Variants in HNRNPC observed in about 807,000 individuals in gnomAD.
The protein encoded by HNRNPC is heterogeneous nuclear ribonucleoprotein C, also known as heterogeneous nuclear ribonucleoproteins C1/C2.
HNRNPC carries 3 observed loss-of-function variants against 33.2 expected under a neutral mutation model. The observed-to-expected ratio is 0.09, with a 90% CI of 0.04 to 0.23. HNRNPC has a LOEUF of 0.23. HNRNPC is among the 10% of genes least tolerant of loss of function. The pLI is 1.00. For missense variants in HNRNPC, 143 were observed against 366.7 expected (o/e 0.39, Z 4.98); for synonymous variants, 121 against 126.7 (o/e 0.96, Z 0.30).
chr14:21,210,059 T>C lies in HNRNPC; in HGVS notation c.*1164A>G, dbSNP rs1891454453. 2 of 152,234 alleles carry C rather than the reference T, an allele frequency of 1.3e-5. No individual in the cohort carries two copies. The highest frequency in any genetic ancestry group is 4.8e-5 in the African/African-American group (2 of 41,460). The allele number at this position is 152,234 out of a possible 1,614,324, so 9.4% of individuals were successfully genotyped here. A position where few individuals can be genotyped will look rare whatever the true frequency, so the allele number is the denominator to read the frequency against. On this transcript the variant is annotated 3_prime_UTR_variant, in exon 9 of 9. Transcript: ENST00000553300. ...GAATATCAGGAAGTAAGAGTTTTCT[T>C]GTTTTCAGGAACATGGAGGTATATA... is the stretch of plus-strand genomic sequence containing the variant.
At chr14:21,229,085 TAAAA>T (rs56112804) in intron 5 of HNRNPC, among the ~76,000 whole-genome samples, 2 of 107,866 alleles carry the variant, frequency 1.9e-5, no homozygotes, top group Non-Finnish European at 3.8e-5. Context: ...ATTCCGTATT[TAAAA>T]AAAAAAAAAA....
At chr14:21,240,994 G>A (rs1895270973) in intron 2 of HNRNPC, among the ~76,000 whole-genome samples, 2 of 152,108 alleles carry the variant, frequency 1.3e-5, no homozygotes, top group Non-Finnish European at 1.5e-5. Context: ...AACTAGGCCA[G>A]GTGCGAAGGC....
At chr14:21,216,045 AGGAAGTGGGG>A (rs1399833578) in intron 5 of HNRNPC, among the ~76,000 whole-genome samples, 1 of 150,136 alleles carries the variant, frequency 6.7e-6, no homozygotes, top group Admixed American at 6.7e-5. Flanking sequence ...GAACCCAGGA[AGGAAGTGGGG>A]GTTGCAGACA....
chr14:21,219,061 G>C (rs1892538075), intron 5 of HNRNPC, among the ~76,000 whole-genome samples: 1 of 140,544 alleles, frequency 7.1e-6, no homozygotes, highest in Non-Finnish European at 1.5e-5. Context: ...AGTAAGCCAA[G>C]ACCGCACCAC....
At chr14:21,248,672 T>A (rs1308121024) in intron 2 of HNRNPC, among the ~76,000 whole-genome samples, 2 of 152,134 alleles carry the variant, frequency 1.3e-5, no homozygotes, top group Non-Finnish European at 2.9e-5. Flanking sequence ...CAAGGAAATA[T>A]AAATTAAACC....
At chr14:21,262,194 TTAA>T (rs1482615252) in intron 2 of HNRNPC, among the ~76,000 whole-genome samples, 19 of 152,210 alleles carry the variant, frequency 1.2e-4, no homozygotes, top group African/African-American at 3.9e-4. Context: ...TTGTGAAATA[TTAA>T]TGAGATAAAA....
chr14:21,230,528 T>C, intron 4 of HNRNPC, 162 bp from the exon 5 acceptor site: 1 of 619,026 alleles, frequency 1.6e-6, no homozygotes. Context: ...TCAATTCCAA[T>C]CACCTTAGAC....
At chr14:21,255,775 A>C (rs927442993) in intron 2 of HNRNPC, among the ~76,000 whole-genome samples, 11 of 152,212 alleles carry the variant, frequency 7.2e-5, no homozygotes, top group Admixed American at 6.5e-4. Flanking sequence ...TTCTGGACAT[A>C]TCTCTTATGT....
At chr14:21,253,173 T>TAA (rs544647664) in intron 2 of HNRNPC, among the ~76,000 whole-genome samples, 14 of 118,810 alleles carry the variant, frequency 1.2e-4, no homozygotes, top group African/African-American at 2.8e-4. Flanking sequence ...ACTCTGTCTT[T>TAA]AAAAAAAAAA....
chr14:21,266,411 C>A (rs1878991490), intron 1 of HNRNPC, among the ~76,000 whole-genome samples: 3 of 151,972 alleles, frequency 2.0e-5, no homozygotes, highest in African/African-American at 7.3e-5. Flanking sequence ...AGAATCAATT[C>A]TTTAAACAAA....
intron 2 of HNRNPC, among the ~76,000 whole-genome samples, chr14:21,254,349 C>T (rs1876752682): frequency 6.6e-6 from 1 of 152,086 alleles, no homozygotes; most frequent in African/African-American, 2.4e-5. Flanking sequence ...TATCTACTAA[C>T]ATAAGCTATT....
At chr14:21,220,831 TA>T (rs34492058) in intron 5 of HNRNPC, among the ~76,000 whole-genome samples, 1,843 of 147,568 alleles carry the variant, frequency 0.012, 36 homozygotes, top group African/African-American at 0.04. Context: ...GGTATTTATT[TA>T]AAAAAAAAAA....
rs56033944 is a variant in HNRNPC, at chr14:21,241,257, C to CAA, written c.-36-7030_-36-7029dup. Among the ~76,000 whole-genome samples, 758 of 93,758 alleles carry CAA rather than the reference C, an allele frequency of 8.1e-3. 15 individuals carry two copies. Among genetic ancestry groups the CAA allele is most frequent in the East Asian group, 0.031 (110 of 3,580 alleles). 61.5% of individuals were successfully genotyped at this position (93,758 alleles called of 152,430 possible). A position where few individuals can be genotyped will look rare whatever the true frequency, so the allele number is the denominator to read the frequency against. ...CTGGGAACAGAGCAAGACTATGTCTCAAAAAAAAAAAAAAAAAAACCACAA... is the reference window on the plus strand; with the variant it reads ...CTGGGAACAGAGCAAGACTATGTCTCAAAAAAAAAAAAAAAAAAAAACCACAA... On this transcript the variant is annotated intron_variant, in intron 2 of 8. Coordinates refer to ENST00000553300, the MANE Select transcript of HNRNPC (RefSeq NM_004500.4).
chr14:21,256,193 TC>T (rs1877168321), intron 2 of HNRNPC, among the ~76,000 whole-genome samples: 1 of 152,180 alleles, frequency 6.6e-6, no homozygotes, highest in Admixed American at 6.5e-5. Flanking sequence ...ACGCCTGTAA[TC>T]CCAGCACTTT....
At chr14:21,256,400 G>C (rs1877214657) in intron 2 of HNRNPC, among the ~76,000 whole-genome samples, 1 of 151,928 alleles carries the variant, frequency 6.6e-6, no homozygotes, top group Non-Finnish European at 1.5e-5. Flanking sequence ...GGTGAGCCGA[G>C]CTCGCACCAC....
At chr14:21,268,959 C>T (rs938932670) in intron 1 of HNRNPC, among the ~76,000 whole-genome samples, 4 of 151,952 alleles carry the variant, frequency 2.6e-5, no homozygotes, top group Admixed American at 2.6e-4. Context: ...ATCGGCGCTA[C>T]GTTAACTTCG....
intron 5 of HNRNPC, among the ~76,000 whole-genome samples, chr14:21,221,740 CAT>C (rs916079488): frequency 1.3e-5 from 2 of 152,112 alleles, no homozygotes; most frequent in Non-Finnish European, 2.9e-5. Flanking sequence ...AATCTGAATA[CAT>C]GTGTGGAAGA....
intron 5 of HNRNPC, among the ~76,000 whole-genome samples, chr14:21,219,753 A>C (rs1307893603): frequency 1.3e-5 from 2 of 152,218 alleles, no homozygotes; most frequent in Non-Finnish European, 2.9e-5. Context: ...AACTCTAAGC[A>C]GATGACTCCC....
intron 2 of HNRNPC, among the ~76,000 whole-genome samples, chr14:21,252,948 G>A (rs1040420919): frequency 9.9e-5 from 15 of 152,050 alleles, no homozygotes; most frequent in African/African-American, 2.9e-4. Flanking sequence ...GGCCGAGGCC[G>A]GCAGATCACA....
Sources: gnomAD v4.1 joint callset for allele counts (sites outside exome capture counted in the v4.1 genomes callset) on GRCh38, gnomAD v4.1.1 for gene constraint, MANE v1.5 for transcripts, NCBI Gene and HGNC (gene_info 2026-07-23, HGNC 2026-07-21) for gene names.